Variants in ADCY5 observed in about 807,000 individuals in gnomAD.
The protein encoded by ADCY5 is adenylate cyclase type 5.
Under a neutral mutation model 119.7 loss-of-function variants are expected in ADCY5, and 30 were observed. The ratio of observed to expected loss-of-function variants is 0.25; its 90% CI spans 0.19 to 0.34. The LOEUF (loss-of-function observed/expected upper bound fraction) is 0.34. ADCY5 is among the 10% of genes least tolerant of loss of function. ADCY5 has a pLI of 1.00. For missense variants in ADCY5, 1,324 were observed against 1,775.2 expected (o/e 0.75, Z 4.57); for synonymous variants, 753 against 762.2 (o/e 0.99, Z 0.20).
intron 3 of ADCY5, among the ~76,000 whole-genome samples, chr3:123,336,391 A>T (rs983972755): frequency 2.0e-5 from 3 of 152,234 alleles, no homozygotes; most frequent in African/African-American, 7.2e-5. Flanking sequence ...TGAGTCAAGG[A>T]GCATGTTCAG....
chr3:123,393,572 A>C (rs1405756676), intron 1 of ADCY5, among the ~76,000 whole-genome samples: 1 of 150,108 alleles, frequency 6.7e-6, no homozygotes, highest in Non-Finnish European at 1.5e-5. Flanking sequence ...AATTAAAATA[A>C]AATAAAATAA....
At chr3:123,424,024 G>A (rs552462655) in intron 1 of ADCY5, among the ~76,000 whole-genome samples, 8 of 152,344 alleles carry the variant, frequency 5.3e-5, no homozygotes, top group South Asian at 4.1e-4. Flanking sequence ...TGAGCATCCC[G>A]GTGCCAGGTG....
In ADCY5 at chr3:123,294,920, AAAG is replaced by A. The variant is rs1330153906; in HGVS notation, c.3063+1161_3063+1163del. Among the ~76,000 whole-genome samples the A allele has an allele frequency of 9.2e-5, 14 of 152,312 alleles. No individual in the cohort carries two copies. In the East Asian group the frequency reaches 2.7e-3, roughly 29 times the overall value. On this transcript the variant is annotated intron_variant, in intron 17 of 20. Coordinates refer to ENST00000462833, the MANE Select transcript of ADCY5 (RefSeq NM_183357.3). ...ATGAGAGCCTCCTGGAAATGTTCCC[AAAG>A]AAGAGGGGATTGAGGAAGAAGGCAG...
At chr3:123,307,488 T>C (rs1940264189) in intron 12 of ADCY5, among the ~76,000 whole-genome samples, 1 of 152,206 alleles carries the variant, frequency 6.6e-6, no homozygotes, top group African/African-American at 2.4e-5. Context: ...ATATTGCCAA[T>C]AAGAATGAAA....
chr3:123,385,201 C>A (rs944750627), intron 1 of ADCY5, among the ~76,000 whole-genome samples: 3 of 152,116 alleles, frequency 2.0e-5, no homozygotes, highest in Non-Finnish European at 2.9e-5. Context: ...CCTGCAGAGG[C>A]CACCCTGGAG....
At chr3:123,348,036 A>AGAGTGTGTGTGTGTGTGTGTGTGT (rs1553732238) in intron 2 of ADCY5, 133 bp from the exon 3 acceptor site, 2 of 428,724 alleles carry the variant, frequency 4.7e-6, no homozygotes, top group African/African-American at 5.6e-5. Flanking sequence ...CTGGGTTAAC[A>AGAGTGTGTGTGTGTGTGTGTGTGT]GTGTGTGTGT....
At position 123,356,848 on chromosome 3, in the gene ADCY5, ATT is replaced by A. The variant is rs368093318; in HGVS notation, c.1135-4269_1135-4268del. Among the ~76,000 whole-genome samples the A allele has an allele frequency of 3.6e-3, 540 of 150,758 alleles. 2 individuals carry two copies. The highest frequency in any genetic ancestry group is 0.013 in the African/African-American group (521 of 41,170). On this transcript the variant is annotated intron_variant, in intron 1 of 20. Transcript: ENST00000462833. ...TGACCCAGCAACCTCACTCTTAGGT[ATT>A]TTTTTTTTCAAATGAAATGAAAAGT...
intron 1 of ADCY5, among the ~76,000 whole-genome samples, chr3:123,393,795 G>A (rs189086596): frequency 0.018 from 1,536 of 83,074 alleles, 18 homozygotes; most frequent in Non-Finnish European, 0.022. Context: ...CCTCCCTCCC[G>A]CCCCGGCTGC....
chr3:123,439,243 T>C (rs1945681057), intron 1 of ADCY5, among the ~76,000 whole-genome samples: 1 of 151,610 alleles, frequency 6.6e-6, no homozygotes, highest in Admixed American at 6.6e-5. Flanking sequence ...TTTGTATTTT[T>C]AGTAGAGACG....
At chr3:123,346,607 T>TCTCTCTCTCTCTCTCTCTCTCTC (rs1316376575) in intron 3 of ADCY5, among the ~76,000 whole-genome samples, 38 of 128,152 alleles carry the variant, frequency 3.0e-4, no homozygotes, top group Admixed American at 8.4e-4. Flanking sequence ...CAGCCTCACC[T>TCTCTCTCTCTCTCTCTCTCTCTC]TCTCTCTCTC....
At chr3:123,345,274 G>C (rs1336249411) in intron 3 of ADCY5, among the ~76,000 whole-genome samples, 1 of 152,258 alleles carries the variant, frequency 6.6e-6, no homozygotes, top group African/African-American at 2.4e-5. Context: ...GAGAGGGCAA[G>C]AACTGGGCCG....
chr3:123,294,635 GGA>G (rs1307591824), intron 17 of ADCY5, among the ~76,000 whole-genome samples: 2 of 152,316 alleles, frequency 1.3e-5, no homozygotes, highest in African/African-American at 2.4e-5. Flanking sequence ...CATGAGATGA[GGA>G]GAGACTGAGG....
intron 1 of ADCY5, among the ~76,000 whole-genome samples, chr3:123,367,706 A>G (rs1943495660): frequency 6.6e-6 from 1 of 152,196 alleles, no homozygotes; most frequent in South Asian, 2.1e-4. Context: ...CTGAACTCGG[A>G]GTTCTGGTTC....
chr3:123,302,840 C>G (rs575691387), intron 14 of ADCY5, among the ~76,000 whole-genome samples: 1 of 152,322 alleles, frequency 6.6e-6, no homozygotes, highest in African/African-American at 2.4e-5. Context: ...AACAGCTACA[C>G]CGCTTTAACA....
At position 123,291,429 on chromosome 3, in the gene ADCY5, G is replaced by A. The variant is rs9809236; in HGVS notation, c.3064-53C>T. 0.35 allele frequency: 547,802 copies of A among 1,564,246 alleles called. 102,310 individuals are homozygous for A. Among genetic ancestry groups the A allele is most frequent in the Non-Finnish European group, 0.39 (450,149 of 1,150,960 alleles). Reference sequence around the variant, plus strand: ...AGATGCCAATGTGAGCCCAGATGTCGGCCCCTCCACCTCCTCCTCTCCGTG... The same window carrying A: ...AGATGCCAATGTGAGCCCAGATGTCAGCCCCTCCACCTCCTCCTCTCCGTG... On this transcript the variant is annotated intron_variant, in intron 17 of 20. Coordinates refer to ENST00000462833, the MANE Select transcript of ADCY5 (RefSeq NM_183357.3).
At chr3:123,356,052 A>T (rs1943026593) in intron 1 of ADCY5, among the ~76,000 whole-genome samples, 1 of 152,214 alleles carries the variant, frequency 6.6e-6, no homozygotes, top group Admixed American at 6.5e-5. Flanking sequence ...GTAGAAGAAG[A>T]GCAGTCTTTT....
At chr3:123,397,971 T>G (rs1233129566) in intron 1 of ADCY5, among the ~76,000 whole-genome samples, 1 of 152,016 alleles carries the variant, frequency 6.6e-6, no homozygotes, top group African/African-American at 2.4e-5. Flanking sequence ...GAAGGGAAAT[T>G]TAAGGGTTAA....
At chr3:123,398,593 C>T (rs1415211673) in intron 1 of ADCY5, among the ~76,000 whole-genome samples, 1 of 152,118 alleles carries the variant, frequency 6.6e-6, no homozygotes, top group African/African-American at 2.4e-5. Context: ...AAATAGCAGC[C>T]CCAGCTTATC....
At chr3:123,386,149 C>T (rs759350512) in intron 1 of ADCY5, among the ~76,000 whole-genome samples, 2 of 152,206 alleles carry the variant, frequency 1.3e-5, no homozygotes, top group Non-Finnish European at 2.9e-5. Context: ...CATGAATGAG[C>T]CCGAAGCAGC....
Sources: gnomAD v4.1 joint callset for allele counts (sites outside exome capture counted in the v4.1 genomes callset) on GRCh38, gnomAD v4.1.1 for gene constraint, MANE v1.5 for transcripts, NCBI Gene and HGNC (gene_info 2026-07-23, HGNC 2026-07-21) for gene names.